Variants in CERS4 observed in about 807,000 individuals in gnomAD.
The protein encoded by CERS4 is ceramide synthase 4.
CERS4 carries 65 observed loss-of-function variants against 51.8 expected under a neutral mutation model. The ratio of observed to expected loss-of-function variants is 1.26; its 90% CI spans 1.03 to 1.54. The LOEUF is 1.54. Ranked by LOEUF, CERS4 falls within the 40% of genes most tolerant of loss-of-function variation. CERS4 has a pLI of 0.00. For missense variants in CERS4, 563 were observed against 500.4 expected (o/e 1.13, Z -1.19); for synonymous variants, 228 against 208.4 (o/e 1.09, Z -0.81).
chr19:8,252,978 G>C (rs1969164841), intron 3 of CERS4, among the ~76,000 whole-genome samples: 1 of 152,190 alleles, frequency 6.6e-6, no homozygotes, highest in African/African-American at 2.4e-5. Context: ...AACTGAGTTA[G>C]GGTTAGACGA....
chr19:8,223,873 C>T (rs9749262), intron 2 of CERS4, among the ~76,000 whole-genome samples: 118,138 of 150,268 alleles, frequency 0.79, 46,567 homozygotes, highest in African/African-American at 0.85. Context: ...CCGAGGCGGG[C>T]GGATCATTTG....
intron 2 of CERS4, among the ~76,000 whole-genome samples, chr19:8,233,726 T>C: frequency 6.6e-6 from 1 of 151,830 alleles, no homozygotes. Flanking sequence ...ATTTTTTAAT[T>C]GTGGGGCCGG....
Position 8,261,933 on chromosome 19 carries a change from G to T in CERS4, c.1009G>T (p.Glu337Ter). Residue 337 changes from glutamate to a stop codon, truncating the protein, a stop_gained, in exon 12 of 12, where the codon GAG (glutamate) becomes TAG (stop). Transcript: ENST00000251363. LOFTEE classifies it low-confidence loss of function (END_TRUNC). Reference protein sequence around the residue: ...LYSFMKKGQMEKDIRSDVEES... With the variant: ...LYSFMKKGQM Reference sequence around the variant, plus strand: ...CATCCCTCTCTCTGTTCCCCAGATGGAGAAGGACATTCGTAGTGATGTAGA... The same window carrying T: ...CATCCCTCTCTCTGTTCCCCAGATGTAGAAGGACATTCGTAGTGATGTAGA... 6.2e-7 allele frequency: 1 copy of T among 1,608,826 alleles called. No homozygotes were observed. The highest frequency in any genetic ancestry group is 8.5e-7 in the Non-Finnish European group (1 of 1,177,018).
chr19:8,245,129 A>AAAAAAAAC (rs1327716311), intron 2 of CERS4, among the ~76,000 whole-genome samples: 1 of 148,658 alleles, frequency 6.7e-6, no homozygotes, highest in African/African-American at 2.5e-5. Context: ...AAAAAAAAAA[A>AAAAAAAAC]AAAAAACACT....
In CERS4 at chr19:8,261,945, C is replaced by A; in HGVS notation, c.1021C>A (p.Arg341Ser). The A allele has an allele frequency of 6.2e-7, 1 of 1,608,148 alleles. No individual in the cohort carries two copies. The highest frequency in any genetic ancestry group is 1.1e-5 in the South Asian group (1 of 90,576). The change falls in exon 12 of 12, where the codon CGT (arginine) becomes AGT (serine). Residue 341 changes from arginine (R) to serine (S), a missense_variant. Transcript: ENST00000251363. ...TGTTCCCCAGATGGAGAAGGACATT[C>A]GTAGTGATGTAGAAGAATCAGACTC... is the stretch of plus-strand genomic sequence containing the variant. ...MKKGQMEKDI[R>S]SDVEESDSSE...
chr19:8,238,617 G>C (rs931119652), intron 2 of CERS4: 1 of 983,176 alleles, frequency 1.0e-6, no homozygotes, highest in African/African-American at 1.7e-5. Flanking sequence ...GGCCAGAGTT[G>C]GGTGGGCACC....
At chr19:8,236,701 AG>A (rs1170613844) in intron 2 of CERS4, among the ~76,000 whole-genome samples, 1,404 of 23,794 alleles carry the variant, frequency 0.059, 26 homozygotes, top group African/African-American at 0.12. Flanking sequence ...AAAAAAAAAA[AG>A]AAAGAAAGAA....
chr19:8,216,451 T>A (rs1273269727), intron 2 of CERS4, among the ~76,000 whole-genome samples: 1 of 150,938 alleles, frequency 6.6e-6, no homozygotes, highest in African/African-American at 2.4e-5. Flanking sequence ...CTTATTTTTC[T>A]CTCCACCTGA....
intron 2 of CERS4, chr19:8,240,494 G>A (rs914392203): frequency 5.9e-5 from 9 of 152,144 alleles, no homozygotes; most frequent in Non-Finnish European, 1.2e-4. Flanking sequence ...AGCATGTCAC[G>A]TGCTCCCGCC....
chr19:8,241,579 G>A, intron 2 of CERS4: 1 of 152,274 alleles, frequency 6.6e-6, no homozygotes, highest in Non-Finnish European at 1.5e-5. Flanking sequence ...TGCTGGGTGT[G>A]AGCCACTGCA....
intron 4 of CERS4, among the ~76,000 whole-genome samples, chr19:8,254,882 C>CA (rs1212833057): frequency 6.6e-6 from 1 of 151,964 alleles, no homozygotes; most frequent in Non-Finnish European, 1.5e-5. Flanking sequence ...AGGACCCCCC[C>CA]CTTCCCAGCC....
In CERS4 at chr19:8,250,981, C is replaced by G. The variant is rs772284669; in HGVS notation, c.-1-95C>G. ...GTTGTCAACTGCGCTGATAGGGGCC[C>G]GAGTAGGAGTTCTGAGGCTCCAGCC... On this transcript the variant is annotated intron_variant, in intron 2 of 11. Coordinates refer to ENST00000251363, the MANE Select transcript of CERS4 (RefSeq NM_024552.3). 2.0e-5 allele frequency: 30 copies of G among 1,486,242 alleles called. No homozygotes were observed. The African/African-American group carries it at 3.1e-4, about 15-fold the overall frequency. 92.1% of individuals were successfully genotyped at this position (1,486,242 alleles called of 1,614,324 possible).
At chr19:8,230,450 A>G (rs985932853) in intron 2 of CERS4, among the ~76,000 whole-genome samples, 2 of 152,184 alleles carry the variant, frequency 1.3e-5, no homozygotes, top group African/African-American at 4.8e-5. Context: ...TCAGCCTCCT[A>G]AAGTGCTGGG....
chr19:8,222,438 G>A (rs900311508), intron 2 of CERS4, among the ~76,000 whole-genome samples: 3 of 151,350 alleles, frequency 2.0e-5, no homozygotes, highest in Non-Finnish European at 2.9e-5. Context: ...TTCAGCCTCC[G>A]AGAAGTGCTG....
chr19:8,235,292 C>T (rs1302328752), intron 2 of CERS4, among the ~76,000 whole-genome samples: 3 of 143,152 alleles, frequency 2.1e-5, no homozygotes, highest in Non-Finnish European at 4.6e-5. Context: ...CAGGCGTGAA[C>T]GACCGCACCT....
chr19:8,259,761 G>C (rs565022380), intron 10 of CERS4, among the ~76,000 whole-genome samples: 1 of 152,234 alleles, frequency 6.6e-6, no homozygotes, highest in Non-Finnish European at 1.5e-5. Context: ...CTGGGCTTCT[G>C]GGGAAAGAGG....
intron 2 of CERS4, among the ~76,000 whole-genome samples, chr19:8,215,285 C>T (rs1308658944): frequency 3.3e-5 from 5 of 151,986 alleles, no homozygotes; most frequent in Non-Finnish European, 5.9e-5. Context: ...TCGAGACCAG[C>T]GTGGCCAACA....
At chr19:8,259,298 A>C (rs1415703679) in intron 10 of CERS4, among the ~76,000 whole-genome samples, 3 of 152,126 alleles carry the variant, frequency 2.0e-5, no homozygotes, top group Non-Finnish European at 4.4e-5. Context: ...CAGGCAGAGA[A>C]TAGCATGTGC....
Position 8,210,781 on chromosome 19 carries a change from C to G in CERS4, c.-83C>G, listed in dbSNP as rs371751400. ...AGCCTCATTCAGTGCACCTGGGCCC[C>G]AGCAGGCCCAGCCAGGCGTGGAGGA... On this transcript the variant is annotated 5_prime_UTR_variant, in exon 2 of 12. Transcript: ENST00000251363. This position sits in a 1 kb window ranked among gnomAD's most constrained non-coding sequence, Gnocchi z 4.2. 1.7e-4 allele frequency: 26 copies of G among 152,326 alleles called. No individual in the cohort carries two copies. The highest frequency in any genetic ancestry group is 6.0e-4 in the African/African-American group (25 of 41,538). The allele number at this position is 152,326 out of a possible 1,614,324, so 9.4% of individuals were successfully genotyped here. A position where few individuals can be genotyped will look rare whatever the true frequency, so the allele number is the denominator to read the frequency against.
Sources: gnomAD v4.1 joint callset for allele counts (sites outside exome capture counted in the v4.1 genomes callset) on GRCh38, gnomAD v4.1.1 for gene constraint, Gnocchi (gnomAD v3.1) non-coding constraint, MANE v1.5 for transcripts, NCBI Gene and HGNC (gene_info 2026-07-23, HGNC 2026-07-21) for gene names.